Variants in P4HA1 observed in about 807,000 individuals in gnomAD.
P4HA1 encodes the protein prolyl 4-hydroxylase subunit alpha 1.
In P4HA1, 24 loss-of-function variants were observed where a neutral mutation model predicts 72.8. The ratio of observed to expected loss-of-function variants is 0.33; its 90% CI spans 0.24 to 0.46. The LOEUF (loss-of-function observed/expected upper bound fraction) is 0.46. Ranked by LOEUF, P4HA1 falls within the 20% of genes least tolerant of loss-of-function variation. The pLI is 1.00. For synonymous variants in P4HA1, 201 were observed against 218.8 expected, an observed-to-expected ratio of 0.92 and a Z score of 0.72; for missense variants, 446 against 640.6, an observed-to-expected ratio of 0.70 and a Z score of 3.28.
intron 10 of P4HA1, among the ~76,000 whole-genome samples, chr10:73,025,277 T>C (rs1230974870): frequency 2.6e-5 from 4 of 152,174 alleles, no homozygotes; most frequent in African/African-American, 9.7e-5. Context: ...CACAATCAAG[T>C]CAGCTTCATC....
chr10:73,054,433 A>G (rs928559028), intron 5 of P4HA1, among the ~76,000 whole-genome samples: 3 of 152,202 alleles, frequency 2.0e-5, no homozygotes, highest in Non-Finnish European at 2.9e-5. Context: ...CATCACTCCA[A>G]AAAGAAACCC....
intron 11 of P4HA1, among the ~76,000 whole-genome samples, chr10:73,015,486 C>T (rs1839991745): frequency 6.6e-6 from 1 of 152,190 alleles, no homozygotes; most frequent in African/African-American, 2.4e-5. Context: ...ACATAGTACT[C>T]CCTGAAGTAG....
chr10:73,093,859 A>AAAT (rs1564640845), intron 1 of P4HA1, among the ~76,000 whole-genome samples: 1 of 68,202 alleles, frequency 1.5e-5, no homozygotes, highest in African/African-American at 7.3e-5. Context: ...AAAAAAAAAA[A>AAAT]AAAAAAAAAA....
rs980406838 is a variant in P4HA1 at position 73,090,921 on chromosome 10, G to T, written c.-33+5845C>A. On this transcript the variant is annotated intron_variant, in intron 1 of 14. Transcript: ENST00000394890. ...ACTAAAAATACAAAAAAGTAGTCGG[G>T]CGTGGTGGCGGGTGCCTGTAATCCC... Among the ~76,000 whole-genome samples the T allele has an allele frequency of 2.6e-5, 4 of 151,692 alleles. No individual in the cohort carries two copies. The South Asian group carries it at 8.3e-4, about 32-fold the overall frequency.
intron 10 of P4HA1, among the ~76,000 whole-genome samples, chr10:73,021,951 A>C (rs1001572734): frequency 1.3e-5 from 2 of 151,816 alleles, no homozygotes; most frequent in Non-Finnish European, 2.9e-5. Context: ...GGTGTCCACC[A>C]TTGCTGAGGC....
chr10:73,052,392 T>A (rs1230587559), intron 6 of P4HA1, among the ~76,000 whole-genome samples: 3 of 152,132 alleles, frequency 2.0e-5, no homozygotes, highest in Non-Finnish European at 4.4e-5. Flanking sequence ...AAAGGAAAAG[T>A]GTGTGCAGGG....
chr10:73,035,666 T>C (rs1840552316), intron 9 of P4HA1, among the ~76,000 whole-genome samples: 1 of 152,218 alleles, frequency 6.6e-6, no homozygotes, highest in East Asian at 1.9e-4. Flanking sequence ...TTTGCACACT[T>C]GTGGGAGTAT....
intron 1 of P4HA1, among the ~76,000 whole-genome samples, chr10:73,093,907 T>TATATAA (rs1256283876): frequency 1.8e-5 from 1 of 55,594 alleles, no homozygotes; most frequent in Non-Finnish European, 3.0e-5. Context: ...TATATATATA[T>TATATAA]ACACACACAC....
At chr10:73,039,030 C>T (rs968081067) in intron 9 of P4HA1, among the ~76,000 whole-genome samples, 19 of 152,044 alleles carry the variant, frequency 1.2e-4, no homozygotes, top group African/African-American at 3.9e-4. Flanking sequence ...CAATGGCTCG[C>T]GCCTGTAATA....
chr10:73,073,944 T>C (rs1414347857), intron 2 of P4HA1, 117 bp from the exon 3 acceptor site: 1 of 672,484 alleles, frequency 1.5e-6, no homozygotes. Context: ...GAATCAGATA[T>C]GCTGGAGACT....
intron 9 of P4HA1, among the ~76,000 whole-genome samples, chr10:73,036,019 C>T (rs545862508): frequency 1.1e-3 from 165 of 151,966 alleles, no homozygotes; most frequent in Non-Finnish European, 1.9e-3. Context: ...TGAAACCCCG[C>T]CTCCACTAAA....
chr10:73,093,931 C>T (rs2133176729), intron 1 of P4HA1, among the ~76,000 whole-genome samples: 1 of 114,498 alleles, frequency 8.7e-6, no homozygotes, highest in African/African-American at 3.2e-5. Context: ...CACACACATA[C>T]TCATTTTATT....
chr10:73,083,934 A>G (rs187964497), intron 1 of P4HA1, among the ~76,000 whole-genome samples: 1 of 152,244 alleles, frequency 6.6e-6, no homozygotes, highest in Non-Finnish European at 1.5e-5. Flanking sequence ...TTTGATAAAC[A>G]TTTTTAATTT....
intron 1 of P4HA1, among the ~76,000 whole-genome samples, chr10:73,080,601 C>A (rs1417030952): frequency 2.6e-5 from 4 of 152,160 alleles, no homozygotes; most frequent in Non-Finnish European, 5.9e-5. Context: ...ATGTTAATAG[C>A]CAAACGTATC....
At chr10:73,027,388 A>T (rs1840301035) in intron 10 of P4HA1, among the ~76,000 whole-genome samples, 1 of 150,994 alleles carries the variant, frequency 6.6e-6, no homozygotes, top group African/African-American at 2.4e-5. Flanking sequence ...CATAGGTGGA[A>T]ATTGAACAAT....
intron 10 of P4HA1, among the ~76,000 whole-genome samples, chr10:73,027,552 C>A (rs1840308009): frequency 7.5e-6 from 1 of 132,664 alleles, no homozygotes; most frequent in African/African-American, 2.9e-5. Flanking sequence ...ACCTATGTAA[C>A]AAACCTGCAC....
At chr10:73,023,186 C>T (rs1589579165) in intron 10 of P4HA1, among the ~76,000 whole-genome samples, 1 of 151,996 alleles carries the variant, frequency 6.6e-6, no homozygotes, top group Non-Finnish European at 1.5e-5. Flanking sequence ...CCACAAGACA[C>T]GTAATTGTCA....
chr10:73,050,944 G>A (rs1283598836), intron 7 of P4HA1, 109 bp downstream of exon 7: 1 of 851,106 alleles, frequency 1.2e-6, no homozygotes, highest in Non-Finnish European at 1.9e-6. Flanking sequence ...CAGTCATTCT[G>A]ATTTTTATCA....
intron 9 of P4HA1, among the ~76,000 whole-genome samples, chr10:73,043,345 G>T (rs1241662263): frequency 6.6e-6 from 1 of 152,158 alleles, no homozygotes; most frequent in Non-Finnish European, 1.5e-5. Context: ...GATGGAAAAG[G>T]AGTTCTATTG....
Sources: allele counts gnomAD v4.1 joint callset (sites outside exome capture counted in the v4.1 genomes callset), GRCh38; gene constraint gnomAD v4.1.1; transcripts MANE v1.5; gene names NCBI Gene and HGNC (gene_info 2026-07-23, HGNC 2026-07-21).